The following KCNQ3 variants were observed in gnomAD, a reference collection of about 807,000 sequenced individuals.
KCNQ3 encodes the protein potassium voltage-gated channel subfamily Q member 3, also known as potassium voltage-gated channel subfamily KQT member 3.
KCNQ3 carries 30 observed loss-of-function variants against 92.5 expected under a neutral mutation model. The ratio of observed to expected loss-of-function variants is 0.32; its 90% CI spans 0.24 to 0.44. KCNQ3 has a LOEUF of 0.44. Among genes scored for constraint, KCNQ3 ranks in the 20% least tolerant of loss-of-function variants. The probability of loss-of-function intolerance (pLI) is 1.00; values close to 1 mark genes in which losing one functional copy is unlikely to be tolerated. For synonymous variants in KCNQ3, 450 were observed against 468.8 expected, an observed-to-expected ratio of 0.96 and a Z score of 0.52; for missense variants, 913 against 1,140.3, an observed-to-expected ratio of 0.80 and a Z score of 2.87.
chr8:132,167,607 G>A (rs974332535), intron 8 of KCNQ3, among the ~76,000 whole-genome samples: 3 of 152,168 alleles, frequency 2.0e-5, no homozygotes, highest in African/African-American at 7.2e-5. Context: ...TTTCCCAAGG[G>A]ACTGCCTTGC....
At chr8:132,249,835 G>A (rs1027316766) in intron 1 of KCNQ3, among the ~76,000 whole-genome samples, 1 of 152,202 alleles carries the variant, frequency 6.6e-6, no homozygotes, top group African/African-American at 2.4e-5. Flanking sequence ...AAGAATTCAA[G>A]CACAACGTTG....
chr8:132,458,192 G>A (rs577458784), intron 1 of KCNQ3, among the ~76,000 whole-genome samples: 9 of 152,270 alleles, frequency 5.9e-5, no homozygotes, highest in African/African-American at 1.7e-4. Context: ...GGTGAGTCAG[G>A]AGTAGGGCCA....
intron 1 of KCNQ3, among the ~76,000 whole-genome samples, chr8:132,360,530 A>C (rs1819135741): frequency 6.6e-6 from 1 of 152,130 alleles, no homozygotes; most frequent in South Asian, 2.1e-4. Flanking sequence ...TGAGTGAAGG[A>C]ATGCACTTTC....
chr8:132,454,646 G>A (rs3857927), intron 1 of KCNQ3, among the ~76,000 whole-genome samples: 1 of 151,930 alleles, frequency 6.6e-6, no homozygotes, highest in Non-Finnish European at 1.5e-5. Flanking sequence ...CCTTTCCCCC[G>A]ACTGACCACC....
chr8:132,139,412 CACT>C (rs1412668637), intron 11 of KCNQ3, among the ~76,000 whole-genome samples: 3 of 152,236 alleles, frequency 2.0e-5, no homozygotes, highest in African/African-American at 7.2e-5. Context: ...CACACTGTAA[CACT>C]ACTGTGCTTC....
chr8:132,222,490 T>C (rs1247508446), intron 1 of KCNQ3, among the ~76,000 whole-genome samples: 1 of 152,222 alleles, frequency 6.6e-6, no homozygotes, highest in African/African-American at 2.4e-5. Flanking sequence ...AGTTAGATTC[T>C]GAGAAGAGTG....
intron 9 of KCNQ3, among the ~76,000 whole-genome samples, chr8:132,155,131 C>T (rs928488844): frequency 1.3e-5 from 2 of 152,138 alleles, no homozygotes; most frequent in Non-Finnish European, 2.9e-5. Flanking sequence ...ATCTCCCTGC[C>T]AGCACCCCCG....
At chr8:132,453,969 G>A (rs923322192) in intron 1 of KCNQ3, among the ~76,000 whole-genome samples, 6 of 152,138 alleles carry the variant, frequency 3.9e-5, no homozygotes, top group African/African-American at 7.2e-5. Flanking sequence ...AACTCAGCTC[G>A]GACACTGCAA....
chr8:132,341,391 T>G (rs887744375), intron 1 of KCNQ3, among the ~76,000 whole-genome samples: 4 of 152,186 alleles, frequency 2.6e-5, no homozygotes, highest in Non-Finnish European at 4.4e-5. Flanking sequence ...AAATGTCCCC[T>G]CTTTCTGGGC....
intron 1 of KCNQ3, among the ~76,000 whole-genome samples, chr8:132,384,436 C>T: frequency 6.6e-6 from 1 of 152,162 alleles, no homozygotes; most frequent in Middle Eastern, 3.2e-3. Flanking sequence ...CCTACAAGCA[C>T]ACAAACAGAA....
At chr8:132,273,749 T>A (rs1356049341) in intron 1 of KCNQ3, among the ~76,000 whole-genome samples, 1 of 152,206 alleles carries the variant, frequency 6.6e-6, no homozygotes, top group Non-Finnish European at 1.5e-5. Flanking sequence ...TGCTTACAAA[T>A]TTCTTCTGCC....
intron 1 of KCNQ3, among the ~76,000 whole-genome samples, chr8:132,234,338 G>GTTTTTTTTTTTT (rs756218792): frequency 1.2e-5 from 1 of 85,668 alleles, no homozygotes. Flanking sequence ...TCCATGAAAA[G>GTTTTTTTTTTTT]TTTTTTTTTT....
chr8:132,124,348 G>A lies in KCNQ3; in HGVS notation c.*4914C>T, dbSNP rs1586745171. ...TGAGACAATGAAGTCCATGCATACT[G>A]TAAAAAAATAACATAAATAACAGTC... On this transcript the variant is annotated 3_prime_UTR_variant, in exon 15 of 15. Coordinates refer to ENST00000388996, the MANE Select transcript of KCNQ3 (RefSeq NM_004519.4). 6.6e-6 allele frequency: 1 copy of A among 152,158 alleles called. No individual in the cohort carries two copies. Among genetic ancestry groups the A allele is most frequent in the East Asian group, 1.9e-4 (1 of 5,200 alleles). 9.4% of individuals were successfully genotyped at this position (152,158 alleles called of 1,614,324 possible). A position where few individuals can be genotyped will look rare whatever the true frequency, so the allele number is the denominator to read the frequency against.
At chr8:132,202,076 C>T (rs1442048438) in intron 1 of KCNQ3, among the ~76,000 whole-genome samples, 3 of 152,130 alleles carry the variant, frequency 2.0e-5, no homozygotes, top group Admixed American at 6.5e-5. Context: ...GGTTGAGCCA[C>T]AACTTGTTGA....
intron 1 of KCNQ3, among the ~76,000 whole-genome samples, chr8:132,444,084 C>A (rs1767605065): frequency 6.6e-6 from 1 of 152,048 alleles, no homozygotes; most frequent in South Asian, 2.1e-4. Flanking sequence ...GGGAGTTGAA[C>A]CCAGCAGTCT....
At chr8:132,183,494 A>G (rs914699876) in intron 3 of KCNQ3, among the ~76,000 whole-genome samples, 3 of 151,910 alleles carry the variant, frequency 2.0e-5, no homozygotes, top group Non-Finnish European at 4.4e-5. Context: ...ACACTCTATG[A>G]TCCTGTAATT....
At chr8:132,325,134 T>C (rs1003881090) in intron 1 of KCNQ3, among the ~76,000 whole-genome samples, 7 of 152,068 alleles carry the variant, frequency 4.6e-5, no homozygotes, top group Non-Finnish European at 8.8e-5. Context: ...ATAGGCTGGC[T>C]TTCTCGAGCC....
intron 1 of KCNQ3, among the ~76,000 whole-genome samples, chr8:132,274,611 G>A (rs1000188060): frequency 2.0e-5 from 3 of 152,102 alleles, no homozygotes; most frequent in Non-Finnish European, 4.4e-5. Flanking sequence ...TATTGTCCAT[G>A]TTATATTTCA....
chr8:132,259,917 C>T (rs1422495235), intron 1 of KCNQ3, among the ~76,000 whole-genome samples: 1 of 152,066 alleles, frequency 6.6e-6, no homozygotes, highest in Non-Finnish European at 1.5e-5. Flanking sequence ...GTAACAAAAA[C>T]ATCCCCAAAG....
Sources: gnomAD v4.1 joint callset for allele counts (sites outside exome capture counted in the v4.1 genomes callset) on GRCh38, gnomAD v4.1.1 for gene constraint, MANE v1.5 for transcripts, NCBI Gene and HGNC (gene_info 2026-07-23, HGNC 2026-07-21) for gene names.